The following PCDHA4 variants were observed in gnomAD, a reference collection of about 807,000 sequenced individuals.
PCDHA4 encodes the protein protocadherin alpha 4, also known as protocadherin alpha-4.
A neutral mutation model predicts 61.4 loss-of-function variants in PCDHA4; 49 were observed. The ratio of observed to expected loss-of-function variants is 0.80; its 90% CI spans 0.63 to 1.01. The LOEUF is 1.01. Ranked by LOEUF, PCDHA4 falls within the 50% of genes least tolerant of loss-of-function variation. The probability of loss-of-function intolerance (pLI) is 0.00; values close to 1 mark genes in which losing one functional copy is unlikely to be tolerated. For synonymous variants in PCDHA4, 590 were observed against 550.3 expected, an observed-to-expected ratio of 1.07 and a Z score of -1.01; for missense variants, 1,254 against 1,235.8, an observed-to-expected ratio of 1.01 and a Z score of -0.22.
At chr5:140,970,862 T>C (rs2153787404) in intron 1 of PCDHA4, among the ~76,000 whole-genome samples, 1 of 152,312 alleles carries the variant, frequency 6.6e-6, no homozygotes, top group South Asian at 2.1e-4. Flanking sequence ...GTTCCATTCC[T>C]GATTGAGAGT....
chr5:140,921,406 C>T (rs1436249655), intron 1 of PCDHA4, among the ~76,000 whole-genome samples: 8 of 152,092 alleles, frequency 5.3e-5, no homozygotes, highest in African/African-American at 1.9e-4. Flanking sequence ...CTAGATTTTC[C>T]TCTGTGCTGC....
At chr5:140,897,298 G>A (rs1372345306) in intron 1 of PCDHA4, among the ~76,000 whole-genome samples, 18 of 150,818 alleles carry the variant, frequency 1.2e-4, no homozygotes, top group Non-Finnish European at 1.8e-4. Flanking sequence ...TCGTCATTTA[G>A]CATTAGGTAT....
chr5:140,836,281 C>A, intron 1 of PCDHA4: 2 of 1,613,732 alleles, frequency 1.2e-6, no homozygotes, highest in Non-Finnish European at 1.7e-6. Flanking sequence ...GAGATCAGCA[C>A]GACACGAGCC....
At chr5:140,831,135 G>C (rs1269683904) in intron 1 of PCDHA4, 5 of 152,252 alleles carry the variant, frequency 3.3e-5, no homozygotes, top group Admixed American at 3.3e-4. Context: ...TATGGTTATT[G>C]ATTTATTTAC....
chr5:140,861,316 C>T (rs1554154495), intron 1 of PCDHA4: 4 of 215,598 alleles, frequency 1.9e-5, no homozygotes, highest in African/African-American at 9.3e-5. Context: ...AGGACCAGTT[C>T]CACTACACCA....
intron 1 of PCDHA4, among the ~76,000 whole-genome samples, chr5:140,955,335 A>G (rs538609650): frequency 6.6e-6 from 1 of 152,266 alleles, no homozygotes; most frequent in South Asian, 2.1e-4. Flanking sequence ...AGTTCCCATA[A>G]TCCCCACATG....
Position 140,809,139 on chromosome 5 carries a change from T to C in PCDHA4, c.1952T>C (p.Val651Ala), listed in dbSNP as rs1554125021. Residue 651 changes from valine to alanine, a missense_variant, in exon 1 of 4, where the codon GTG becomes GCG. By Grantham distance (64) the Val-to-Ala change is moderately conservative (BLOSUM62 0). Coordinates refer to ENST00000530339, the MANE Select transcript of PCDHA4 (RefSeq NM_018907.4). ...DAPRHRLLVL[V>A]KDHGEPALTA... ...CCGCGCCACCGCCTACTGGTACTGG[T>C]GAAGGACCACGGCGAGCCCGCGCTG... 6.2e-7 allele frequency: 1 copy of C among 1,613,822 alleles called. No homozygotes were observed. Among genetic ancestry groups the C allele is most frequent in the Non-Finnish European group, 8.5e-7 (1 of 1,179,932 alleles).
At chr5:140,833,777 A>C (rs2150211299) in intron 1 of PCDHA4, among the ~76,000 whole-genome samples, 1 of 152,046 alleles carries the variant, frequency 6.6e-6, no homozygotes, top group South Asian at 2.1e-4. Flanking sequence ...CCGCTTTCTA[A>C]GTTTCTCTTT....
At chr5:140,890,530 T>G (rs2062685019) in intron 1 of PCDHA4, among the ~76,000 whole-genome samples, 1 of 152,222 alleles carries the variant, frequency 6.6e-6, no homozygotes. Flanking sequence ...TTGTTGATCT[T>G]CTTTTGAAAT....
chr5:140,957,702 A>C (rs930331275), intron 1 of PCDHA4, among the ~76,000 whole-genome samples: 4 of 152,158 alleles, frequency 2.6e-5, no homozygotes, highest in Non-Finnish European at 5.9e-5. Context: ...AACATTATGT[A>C]GTTTTTATTA....
rs1379948594 is a variant in PCDHA4, at chr5:140,982,575, G to A, written c.2533+12G>A. ...CAGTGCAACACCAGGTAAAGAGCTGGGGTCTCTCCATTCTTTCTTGGTTTC... is the reference window on the plus strand; with the variant it reads ...CAGTGCAACACCAGGTAAAGAGCTGAGGTCTCTCCATTCTTTCTTGGTTTC... On this transcript the variant is annotated intron_variant, in intron 3 of 3. Coordinates refer to ENST00000530339, the MANE Select transcript of PCDHA4 (RefSeq NM_018907.4). The A allele has an allele frequency of 6.2e-7, 1 of 1,613,444 alleles. No homozygotes were observed. The highest frequency in any genetic ancestry group is 8.5e-7 in the Non-Finnish European group (1 of 1,179,518).
chr5:141,005,049 T>C (rs1248594838), intron 3 of PCDHA4, among the ~76,000 whole-genome samples: 6 of 152,264 alleles, frequency 3.9e-5, no homozygotes, highest in African/African-American at 1.4e-4. Context: ...TACCATTTAC[T>C]GAATTCTTGC....
chr5:140,891,344 T>C (rs952306829), intron 1 of PCDHA4, among the ~76,000 whole-genome samples: 2 of 152,166 alleles, frequency 1.3e-5, no homozygotes, highest in East Asian at 1.9e-4. Flanking sequence ...GAGATTTTGG[T>C]GCATCCATCA....
rs2150445484 is a variant in PCDHA4, at chr5:140,849,697, A to T, written c.2385+40125A>T. The T allele has an allele frequency of 1.8e-5, 29 of 1,598,622 alleles. 2 individuals carry two copies. Among genetic ancestry groups the T allele is most frequent in the Middle Eastern group, 1.7e-4 (1 of 5,912 alleles). ...GTCCCCTTCAAGCTGGTGTCCACCTACAAGAATTACTACTCGTTGGTGCTG... is the reference window on the plus strand; with the variant it reads ...GTCCCCTTCAAGCTGGTGTCCACCTTCAAGAATTACTACTCGTTGGTGCTG... On this transcript the variant is annotated intron_variant, in intron 1 of 3. Coordinates refer to ENST00000530339, the MANE Select transcript of PCDHA4 (RefSeq NM_018907.4).
intron 1 of PCDHA4, among the ~76,000 whole-genome samples, chr5:140,924,739 ACAAAAATTAACCGAG>A (rs2081980485): frequency 6.6e-6 from 1 of 151,884 alleles, no homozygotes; most frequent in Non-Finnish European, 1.5e-5. Flanking sequence ...TAATAAAAAT[ACAAAAATTAACCGAG>A]CATGGTGGTG....
chr5:140,856,885 AT>A lies in PCDHA4; in HGVS notation c.2385+47316del, dbSNP rs781799139. 34 of 1,596,494 alleles carry A rather than the reference AT, an allele frequency of 2.1e-5. 3 individuals carry two copies. Among genetic ancestry groups the A allele is most frequent in the Non-Finnish European group, 2.9e-5 (34 of 1,166,312 alleles). ...GAATAAACAAGGAAATGATGTATTC[AT>A]TTAGCTCTTTGGTCCCACCCACGAT... On this transcript the variant is annotated intron_variant, in intron 1 of 3. Transcript: ENST00000530339.
chr5:140,808,714 G>C lies in PCDHA4; in HGVS notation c.1527G>C (p.Ser509=), dbSNP rs782290145. 13 of 1,611,982 alleles carry C rather than the reference G, an allele frequency of 8.1e-6. No individual in the cohort carries two copies. Among genetic ancestry groups the C allele is most frequent in the Admixed American group, 5.0e-5 (3 of 59,994 alleles). Residue 509 remains serine, a synonymous_variant, in exon 1 of 4, where the codon TCG becomes TCC. Transcript: ENST00000530339. ...AGCGCGCGCTGTCGAGCTACGTTTC[G>C]GTGCATGCGGAGAGCGGCAAGGTGT... ...VGERALSSYV[S]VHAESGKVYA... is the part of the protein sequence containing the mutation.
At chr5:140,855,129 T>A (rs1294464792) in intron 1 of PCDHA4, among the ~76,000 whole-genome samples, 1 of 149,788 alleles carries the variant, frequency 6.7e-6, no homozygotes, top group African/African-American at 2.4e-5. Context: ...TAGGTAATAA[T>A]TTTGCCTGAT....
chr5:140,878,658 G>T (rs139171755), intron 1 of PCDHA4, among the ~76,000 whole-genome samples: 120 of 152,200 alleles, frequency 7.9e-4, no homozygotes, highest in African/African-American at 2.7e-3. Flanking sequence ...ATATCCAGAG[G>T]CTTCTCTTTA....
Sources: gnomAD v4.1 joint callset for allele counts (sites outside exome capture counted in the v4.1 genomes callset) on GRCh38, gnomAD v4.1.1 for gene constraint, MANE v1.5 for transcripts, NCBI Gene and HGNC (gene_info 2026-07-23, HGNC 2026-07-21) for gene names.